Variants in CSMD1 observed in about 807,000 individuals in gnomAD.
CSMD1 encodes CUB and Sushi multiple domains 1.
CSMD1 carries 213 observed loss-of-function variants against 417.5 expected under a neutral mutation model. That is an observed-to-expected ratio of 0.51 (90% CI 0.46 to 0.57). The LOEUF is 0.57. Among genes scored for constraint, CSMD1 ranks in the 20% least tolerant of loss-of-function variants. The pLI is 0.00. For synonymous variants in CSMD1, 2,862 were observed against 1,736.8 expected (o/e 1.65, Z -16.11); for missense variants, 6,923 against 4,529.7 (o/e 1.53, Z -15.17).
Position 4,383,821 on chromosome 8 carries a change from A to G in CSMD1, c.415+36132T>C, listed in dbSNP as rs181767878. On this transcript the variant is annotated intron_variant, in intron 3 of 69. Coordinates refer to ENST00000635120, the MANE Select transcript of CSMD1 (RefSeq NM_033225.6). ...ACATATATAATACCAAATTATTGTG[A>G]AAGTGGAACTTGAAAATAATAACAT... 1.5e-4 allele frequency among the ~76,000 whole-genome samples: 23 copies of G among 152,330 alleles called. No homozygotes were observed. In the East Asian group the frequency reaches 4.4e-3, roughly 29 times the overall value.
At chr8:3,412,642 T>C (rs891123061) in intron 12 of CSMD1, among the ~76,000 whole-genome samples, 1 of 152,200 alleles carries the variant, frequency 6.6e-6, no homozygotes, top group African/African-American at 2.4e-5. Flanking sequence ...ACTGCTAACG[T>C]CACACCTCAG....
chr8:4,254,880 A>G (rs926120166), intron 3 of CSMD1, among the ~76,000 whole-genome samples: 1 of 152,150 alleles, frequency 6.6e-6, no homozygotes, highest in African/African-American at 2.4e-5. Flanking sequence ...GTTCACACAA[A>G]CAAAGATGAA....
intron 3 of CSMD1, among the ~76,000 whole-genome samples, chr8:4,126,433 C>T (rs1185795597): frequency 6.6e-6 from 1 of 152,152 alleles, no homozygotes; most frequent in Non-Finnish European, 1.5e-5. Context: ...CTAGCGAAGA[C>T]ACAAACCAAC....
chr8:3,668,318 G>A (rs1295534841), intron 7 of CSMD1, among the ~76,000 whole-genome samples: 3 of 152,294 alleles, frequency 2.0e-5, no homozygotes, highest in African/African-American at 2.4e-5. Context: ...GATTAGGAAG[G>A]AGGGGCATGT....
At chr8:4,380,537 G>A (rs559957166) in intron 3 of CSMD1, among the ~76,000 whole-genome samples, 26 of 152,294 alleles carry the variant, frequency 1.7e-4, no homozygotes, top group Admixed American at 4.6e-4. Flanking sequence ...GAGACGTGAC[G>A]ACTAAATGCC....
chr8:3,590,152 G>T (rs1056104284), intron 8 of CSMD1, among the ~76,000 whole-genome samples: 5 of 152,038 alleles, frequency 3.3e-5, no homozygotes, highest in African/African-American at 9.7e-5. Flanking sequence ...ATACAAAATT[G>T]TATGTACTGA....
intron 3 of CSMD1, among the ~76,000 whole-genome samples, chr8:4,402,118 A>C (rs1279430595): frequency 1.3e-5 from 2 of 151,938 alleles, no homozygotes; most frequent in South Asian, 4.2e-4. Flanking sequence ...CTTGTCTTCC[A>C]TTCTCTTTCA....
intron 3 of CSMD1, among the ~76,000 whole-genome samples, chr8:4,181,822 T>C (rs145742822): frequency 3.2e-4 from 49 of 152,340 alleles, no homozygotes; most frequent in African/African-American, 1.2e-3. Context: ...AATGCAAATG[T>C]AATATACATT....
intron 49 of CSMD1, among the ~76,000 whole-genome samples, chr8:3,055,762 T>C (rs998163272): frequency 6.6e-6 from 1 of 152,254 alleles, no homozygotes; most frequent in Non-Finnish European, 1.5e-5. Flanking sequence ...TAATCATTTA[T>C]TGATCCTGTA....
intron 3 of CSMD1, among the ~76,000 whole-genome samples, chr8:4,097,317 T>C (rs1038548002): frequency 1.3e-5 from 2 of 152,214 alleles, no homozygotes; most frequent in African/African-American, 4.8e-5. Flanking sequence ...GAAACACTTA[T>C]TTTAATTTGC....
intron 3 of CSMD1, among the ~76,000 whole-genome samples, chr8:4,191,967 C>G (rs13439849): frequency 0.063 from 9,573 of 152,196 alleles, 444 homozygotes; most frequent in Non-Finnish European, 0.092. Flanking sequence ...GCAAAACACC[C>G]GTAGAGGAAC....
chr8:3,180,793 C>G (rs1273550321), intron 37 of CSMD1, among the ~76,000 whole-genome samples: 3 of 151,974 alleles, frequency 2.0e-5, no homozygotes, highest in Admixed American at 2.0e-4. Flanking sequence ...CCATGCCCAG[C>G]TAATTTTTTT....
chr8:4,522,135 A>G (rs954192083), intron 2 of CSMD1, among the ~76,000 whole-genome samples: 5 of 152,088 alleles, frequency 3.3e-5, no homozygotes, highest in Non-Finnish European at 5.9e-5. Flanking sequence ...TGATTGAACT[A>G]TGGAGGCAAG....
intron 3 of CSMD1, among the ~76,000 whole-genome samples, chr8:4,286,551 G>A (rs551382037): frequency 3.8e-4 from 58 of 152,126 alleles, no homozygotes; most frequent in Non-Finnish European, 6.5e-4. Context: ...TTAAGAACAT[G>A]GGCATGATCA....
intron 3 of CSMD1, among the ~76,000 whole-genome samples, chr8:4,292,824 G>C (rs1797446168): frequency 1.3e-5 from 2 of 152,234 alleles, no homozygotes; most frequent in South Asian, 4.1e-4. Flanking sequence ...ATTTACCTAA[G>C]AGTCAGGGTC....
At position 3,926,073 on chromosome 8, in the gene CSMD1, C is replaced by CCATACACACACACACACACACACAA. The variant is rs1809663052; in HGVS notation, c.818+71829_818+71830insTTGTGTGTGTGTGTGTGTGTGTATG. Among the ~76,000 whole-genome samples, 2 of 111,140 alleles carry CCATACACACACACACACACACACAA rather than the reference C, an allele frequency of 1.8e-5. 1 individual carries two copies. 72.9% of individuals were successfully genotyped at this position (111,140 alleles called of 152,430 possible). On this transcript the variant is annotated intron_variant, in intron 5 of 69. Transcript: ENST00000635120. ...CCATATACACACACACACACACACA[C>CCATACACACACACACACACACACAA]AAACACCATACACACACACACACAC...
At position 4,017,727 on chromosome 8, in the gene CSMD1, T is replaced by C. The variant is rs578018695; in HGVS notation, c.610+14178A>G. On this transcript the variant is annotated intron_variant, in intron 4 of 69. Transcript: ENST00000635120. ...ACAGGATTGACTTTGTGCCTCGGCA[T>C]TGTGTGTGCATGGTACAAATGCTGA... Among the ~76,000 whole-genome samples, 6 of 152,250 alleles carry C rather than the reference T, an allele frequency of 3.9e-5. No individual in the cohort carries two copies. The East Asian group carries it at 1.2e-3, about 29-fold the overall frequency.
In CSMD1 at chr8:4,633,444, T is replaced by A. The variant is rs577971315; in HGVS notation, c.302+3898A>T. Among the ~76,000 whole-genome samples, 5 of 151,752 alleles carry A rather than the reference T, an allele frequency of 3.3e-5. No individual in the cohort carries two copies. The South Asian group carries it at 1.0e-3, about 32-fold the overall frequency. On this transcript the variant is annotated intron_variant, in intron 2 of 69. Coordinates refer to ENST00000635120, the MANE Select transcript of CSMD1 (RefSeq NM_033225.6). ...TTTTGTATTTTTAGTAGAGATGGGG[T>A]TTCACCGTGTTAGCCAGGATGGTCT... is the stretch of plus-strand genomic sequence containing the variant.
intron 1 of CSMD1, among the ~76,000 whole-genome samples, chr8:4,972,343 G>C (rs563818213): frequency 5.6e-4 from 85 of 152,242 alleles, no homozygotes; most frequent in African/African-American, 1.9e-3. Flanking sequence ...TGTCAAGGGG[G>C]AGACCGGGTG....
Sources: allele counts gnomAD v4.1 joint callset (sites outside exome capture counted in the v4.1 genomes callset), GRCh38; gene constraint gnomAD v4.1.1; transcripts MANE v1.5; gene names NCBI Gene and HGNC (gene_info 2026-07-23, HGNC 2026-07-21).